The following LHFPL6 variants were observed in gnomAD, a reference collection of about 807,000 sequenced individuals.
LHFPL6 encodes the protein LHFPL tetraspan subfamily member 6 protein.
A neutral mutation model predicts 20.6 loss-of-function variants in LHFPL6; 9 were observed. That is an observed-to-expected ratio of 0.44 (90% CI 0.26 to 0.76). The LOEUF (loss-of-function observed/expected upper bound fraction) is 0.76, where lower values mean the gene tolerates loss of function less well. Ranked by LOEUF, LHFPL6 falls within the 30% of genes least tolerant of loss-of-function variation. The probability of loss-of-function intolerance (pLI) is 0.20; values close to 1 mark genes in which losing one functional copy is unlikely to be tolerated. For missense variants in LHFPL6, 218 were observed against 253.5 expected (o/e 0.86, Z 0.95); for synonymous variants, 105 against 98.7 (o/e 1.06, Z -0.38).
chr13:39,407,722 G>A (rs1216465167), intron 2 of LHFPL6, among the ~76,000 whole-genome samples: 1 of 152,094 alleles, frequency 6.6e-6, no homozygotes, highest in Non-Finnish European at 1.5e-5. Flanking sequence ...TATTAACTGA[G>A]CCATTCATAT....
intron 3 of LHFPL6, among the ~76,000 whole-genome samples, chr13:39,370,293 A>C (rs1025876470): frequency 9.9e-5 from 15 of 152,152 alleles, no homozygotes; most frequent in Non-Finnish European, 2.1e-4. Flanking sequence ...TCTTTGTTGA[A>C]TTCACAGCAG....
At chr13:39,370,842 C>G (rs574970390) in intron 3 of LHFPL6, among the ~76,000 whole-genome samples, 2 of 152,322 alleles carry the variant, frequency 1.3e-5, no homozygotes, top group South Asian at 4.1e-4. Flanking sequence ...GGTTCTCTTG[C>G]TTGAGAAGCA....
At chr13:39,481,846 A>G (rs961033863) in intron 2 of LHFPL6, among the ~76,000 whole-genome samples, 2 of 152,144 alleles carry the variant, frequency 1.3e-5, no homozygotes, top group African/African-American at 4.8e-5. Context: ...CTGATGGAGT[A>G]GAAGTGAAGT....
intron 2 of LHFPL6, among the ~76,000 whole-genome samples, chr13:39,520,468 T>C (rs1409250806): frequency 6.6e-6 from 1 of 152,092 alleles, no homozygotes; most frequent in Non-Finnish European, 1.5e-5. Context: ...GACATTCTAG[T>C]AGCAATTCAT....
chr13:39,498,034 G>C (rs2138460686), intron 2 of LHFPL6, among the ~76,000 whole-genome samples: 1 of 152,250 alleles, frequency 6.6e-6, no homozygotes, highest in African/African-American at 2.4e-5. Flanking sequence ...CCCACCTAGA[G>C]TCCCTATCAG....
Position 39,586,858 on chromosome 13 carries a change from C to A in LHFPL6, c.385+13974G>T, listed in dbSNP as rs1872463943. On this transcript the variant is annotated intron_variant, in intron 2 of 3. Coordinates refer to ENST00000379589, the MANE Select transcript of LHFPL6 (RefSeq NM_005780.3). ...TGAAAAGCTTCAATTTAGTTAAGTA[C>A]ATAATCCTCAGCTTGGGGCCAGGCA... is the stretch of plus-strand genomic sequence containing the variant. 2.0e-5 allele frequency among the ~76,000 whole-genome samples: 3 copies of A among 152,100 alleles called. No individual in the cohort carries two copies. The South Asian group carries it at 6.2e-4, about 32-fold the overall frequency.
At chr13:39,383,538 C>T (rs1469845001) in intron 2 of LHFPL6, among the ~76,000 whole-genome samples, 1 of 152,196 alleles carries the variant, frequency 6.6e-6, no homozygotes, top group Non-Finnish European at 1.5e-5. Context: ...TAGACCATTT[C>T]CATAACTGTA....
chr13:39,433,891 T>A lies in LHFPL6; in HGVS notation c.386-55365A>T, dbSNP rs756449129. Among the ~76,000 whole-genome samples, 3 of 152,170 alleles carry A rather than the reference T, an allele frequency of 2.0e-5. No homozygotes were observed. In the South Asian group the frequency reaches 6.2e-4, roughly 31 times the overall value. Reference sequence around the variant, plus strand: ...CCAGGAGCCTCCTTTGGGATGAAATTTGTTTCCTCTACTCCCTTCAACCCA... The same window carrying A: ...CCAGGAGCCTCCTTTGGGATGAAATATGTTTCCTCTACTCCCTTCAACCCA... On this transcript the variant is annotated intron_variant, in intron 2 of 3. Transcript: ENST00000379589.
chr13:39,573,863 T>C (rs980925466), intron 2 of LHFPL6, among the ~76,000 whole-genome samples: 5 of 152,162 alleles, frequency 3.3e-5, no homozygotes, highest in African/African-American at 1.2e-4. Flanking sequence ...TTTTCCTCTG[T>C]TTATTATTTT....
chr13:39,343,942 T>C lies in LHFPL6; in HGVS notation c.597A>G (p.Pro199=), dbSNP rs1162698871. The C allele has an allele frequency of 6.8e-6, 11 of 1,613,348 alleles. No homozygotes were observed. Among genetic ancestry groups the C allele is most frequent in the Admixed American group, 1.7e-5 (1 of 59,986 alleles). The change falls in exon 4 of 4, where the codon CCA becomes CCG. Residue 199 remains proline, a synonymous_variant. Coordinates refer to ENST00000379589, the MANE Select transcript of LHFPL6 (RefSeq NM_005780.3). ...TGCTCTTGGTAGCTCCATCTCAGTA[T>C]GGGTAGTGCTTCTGTTTCTTGCCCG... ...CFSGKKQKHY[P]Y
chr13:39,539,087 G>A (rs1870715323), intron 2 of LHFPL6, among the ~76,000 whole-genome samples: 1 of 152,132 alleles, frequency 6.6e-6, no homozygotes, highest in African/African-American at 2.4e-5. Context: ...GGGACTCACA[G>A]GCCATAGTTT....
In LHFPL6 at chr13:39,446,851, C is replaced by A. The variant is rs189861333; in HGVS notation, c.386-68325G>T. ...TGCTTTAATTTGTCCATATCCAATCCCTCATAATCAATAACACAACTTTGT... is the reference window on the plus strand; with the variant it reads ...TGCTTTAATTTGTCCATATCCAATCACTCATAATCAATAACACAACTTTGT... On this transcript the variant is annotated intron_variant, in intron 2 of 3. Transcript: ENST00000379589. Among the ~76,000 whole-genome samples, 17 of 152,140 alleles carry A rather than the reference C, an allele frequency of 1.1e-4. No individual in the cohort carries two copies. The East Asian group carries it at 3.3e-3, about 29-fold the overall frequency.
At chr13:39,596,015 C>A (rs1872760786) in intron 2 of LHFPL6, among the ~76,000 whole-genome samples, 1 of 152,112 alleles carries the variant, frequency 6.6e-6, no homozygotes, top group Non-Finnish European at 1.5e-5. Flanking sequence ...CCACTGCATG[C>A]AAACTTCAGA....
chr13:39,514,381 G>A (rs1869830916), intron 2 of LHFPL6, among the ~76,000 whole-genome samples: 1 of 152,168 alleles, frequency 6.6e-6, no homozygotes, highest in Admixed American at 6.5e-5. Context: ...CTGGAAGTCT[G>A]TTCTCTTGAT....
intron 3 of LHFPL6, among the ~76,000 whole-genome samples, chr13:39,345,535 A>AAAAAAAAAAAAAAAAAAAAAAAAAAC: frequency 6.8e-6 from 1 of 147,472 alleles, no homozygotes; most frequent in Non-Finnish European, 1.5e-5. Flanking sequence ...AAAAAAAAAA[A>AAAAAAAAAAAAAAAAAAAAAAAAAAC]AAAAAGAAAG....
intron 2 of LHFPL6, among the ~76,000 whole-genome samples, chr13:39,579,060 AC>A (rs1425049984): frequency 6.6e-6 from 1 of 152,190 alleles, no homozygotes; most frequent in East Asian, 1.9e-4. Context: ...AATAAACAAG[AC>A]CGGGGTGAAT....
rs747346915 is a variant in LHFPL6 at position 39,600,957 on chromosome 13, A to G, written c.260T>C (p.Ile87Thr). Residue 87 changes from isoleucine to threonine, a missense_variant, in exon 2 of 4, where the codon ATA becomes ACA. By Grantham distance (89) the Ile-to-Thr change is moderately conservative. Transcript: ENST00000379589. ...GAGGCCACAACCCAGGCCGGTCACT[A>G]TGGTGCAGATCCTCCATTCTGCGCT... is the stretch of plus-strand genomic sequence containing the variant. ...IPSAEWRICT[I>T]VTGLGCGLLL... 1.2e-5 allele frequency: 19 copies of G among 1,612,054 alleles called. No homozygotes were observed. Among genetic ancestry groups the G allele is most frequent in the Non-Finnish European group, 6.8e-6 (8 of 1,178,728 alleles).
chr13:39,363,126 A>C (rs1869920958), intron 3 of LHFPL6, among the ~76,000 whole-genome samples: 1 of 152,228 alleles, frequency 6.6e-6, no homozygotes, highest in African/African-American at 2.4e-5. Context: ...CCAAAGAGAA[A>C]GACTATTTGT....
At chr13:39,583,085 A>G (rs1872338144) in intron 2 of LHFPL6, among the ~76,000 whole-genome samples, 1 of 152,278 alleles carries the variant, frequency 6.6e-6, no homozygotes, top group East Asian at 1.9e-4. Flanking sequence ...ATCAGAGAAG[A>G]AAGATATTAT....
Sources: gnomAD v4.1 joint callset for allele counts (sites outside exome capture counted in the v4.1 genomes callset) on GRCh38, gnomAD v4.1.1 for gene constraint, MANE v1.5 for transcripts, NCBI Gene and HGNC (gene_info 2026-07-23, HGNC 2026-07-21) for gene names.